STK26: variants seen among roughly 807,000 people sequenced by gnomAD.
STK26 encodes the protein serine/threonine-protein kinase 26.
A neutral mutation model predicts 34.7 loss-of-function variants in STK26; 14 were observed. That is an observed-to-expected ratio of 0.40 (90% CI 0.27 to 0.63). The LOEUF (loss-of-function observed/expected upper bound fraction) is 0.63. Among genes scored for constraint, STK26 ranks in the 30% least tolerant of loss-of-function variants. The pLI is 0.38. For missense variants in STK26, 226 were observed against 309.1 expected (o/e 0.73, Z 2.02); for synonymous variants, 100 against 109.8 (o/e 0.91, Z 0.56).
At chrX:132,043,949 C>T (rs948087574) in intron 2 of STK26, among the ~76,000 whole-genome samples, 2 of 111,844 alleles carry the variant, frequency 1.8e-5, no homozygotes, top group African/African-American at 3.3e-5. Flanking sequence ...GTTGTGACTT[C>T]GCAAAGTTTT....
intron 2 of STK26, among the ~76,000 whole-genome samples, chrX:132,054,271 A>G (rs1926783561): frequency 8.9e-6 from 1 of 112,375 alleles, no homozygotes; most frequent in South Asian, 3.6e-4. Flanking sequence ...ACCTTAGCTT[A>G]GGTTAGATAT....
chrX:132,044,340 A>G (rs5977616), intron 2 of STK26, among the ~76,000 whole-genome samples: 35,810 of 110,057 alleles, frequency 0.33, 4,619 homozygotes, highest in African/African-American at 0.42. Context: ...AAGATGAAGC[A>G]ATGGATTGGT....
At chrX:132,035,784 C>T (rs1302934237) in intron 2 of STK26, among the ~76,000 whole-genome samples, 6 of 101,879 alleles carry the variant, frequency 5.9e-5, no homozygotes, top group South Asian at 4.7e-4. Flanking sequence ...TTATGTCCCC[C>T]CCTCAAAAAA....
chrX:132,067,032 G>C (rs890208628), intron 4 of STK26, among the ~76,000 whole-genome samples: 2 of 111,664 alleles, frequency 1.8e-5, no homozygotes, highest in African/African-American at 6.5e-5. Flanking sequence ...TGTTTGAATA[G>C]AAACTTTGGG....
At chrX:132,066,703 G>A (rs1927237495) in intron 4 of STK26, among the ~76,000 whole-genome samples, 1 of 111,535 alleles carries the variant, frequency 9.0e-6, no homozygotes, top group African/African-American at 3.3e-5. Context: ...CCTTTTTGTT[G>A]TTTTTACTTA....
At position 132,044,811 on chromosome X, in the gene STK26, A is replaced by C. The variant is rs1459312313; in HGVS notation, c.43-9820A>C. ...TTTATATATATAGAGAGAGATCTATATATATATTTATATATATAGAGAGAG... is the reference window on the plus strand; with the variant it reads ...TTTATATATATAGAGAGAGATCTATCTATATATTTATATATATAGAGAGAG... On this transcript the variant is annotated intron_variant, in intron 2 of 11. Coordinates refer to ENST00000394334, the MANE Select transcript of STK26 (RefSeq NM_016542.4). 5.3e-4 allele frequency among the ~76,000 whole-genome samples: 28 copies of C among 52,874 alleles called. 3 individuals are homozygous for C. The highest frequency in any genetic ancestry group is 1.6e-3 in the South Asian group (2 of 1,250). 45.9% of individuals were successfully genotyped at this position (52,874 alleles called of 115,157 possible). A position where few individuals can be genotyped will look rare whatever the true frequency, so the allele number is the denominator to read the frequency against.
Position 132,072,260 on chromosome X carries a change from C to G in STK26, c.933-8C>G, listed in dbSNP as rs1315871800. On this transcript the variant is annotated splice_region_variant and splice_polypyrimidine_tract_variant and intron_variant, in intron 8 of 11. Coordinates refer to ENST00000394334, the MANE Select transcript of STK26 (RefSeq NM_016542.4). ...CACTTATAGAGGTATCTTTGGCAAT[C>G]TCTTTAGGGAATCTACCAGCAGGGA... The G allele has an allele frequency of 3.3e-6, 4 of 1,196,485 alleles. No homozygotes were observed. Among genetic ancestry groups the G allele is most frequent in the Non-Finnish European group, 4.5e-6 (4 of 882,386 alleles).
intron 3 of STK26, among the ~76,000 whole-genome samples, chrX:132,060,062 A>G (rs1414111526): frequency 8.9e-6 from 1 of 112,074 alleles, no homozygotes; most frequent in Non-Finnish European, 1.9e-5. Context: ...AAGAAGCCCC[A>G]TGTTAGATTC....
intron 2 of STK26, among the ~76,000 whole-genome samples, chrX:132,047,417 G>A (rs73568060): frequency 2.7e-5 from 3 of 111,884 alleles, no homozygotes; most frequent in African/African-American, 9.7e-5. Context: ...GCTAAATGTT[G>A]TTTTTTATTC....
chrX:132,069,978 T>C (rs946661481), intron 7 of STK26, among the ~76,000 whole-genome samples: 1 of 112,031 alleles, frequency 8.9e-6, no homozygotes, highest in Admixed American at 9.5e-5. Context: ...AAAGTGTATG[T>C]ATAAATACAA....
intron 2 of STK26, among the ~76,000 whole-genome samples, chrX:132,024,671 T>C (rs913314010): frequency 9.0e-6 from 1 of 111,406 alleles, no homozygotes; most frequent in African/African-American, 3.3e-5. Flanking sequence ...AAATAAAATG[T>C]TTATAGTAAA....
At chrX:132,067,412 C>T (rs1158955203) in intron 4 of STK26, among the ~76,000 whole-genome samples, 2 of 110,929 alleles carry the variant, frequency 1.8e-5, no homozygotes, top group Admixed American at 9.7e-5. Flanking sequence ...TTGTACAGTC[C>T]ACTGTTTGTG....
At position 132,038,408 on chromosome X, in the gene STK26, C is replaced by A. The variant is rs181755059; in HGVS notation, c.42+14749C>A. 2.7e-5 allele frequency among the ~76,000 whole-genome samples: 3 copies of A among 111,219 alleles called. No individual in the cohort carries two copies. The East Asian group carries it at 8.4e-4, about 31-fold the overall frequency. ...TATGGCAAGAAAATGTCTAAAGAGT[C>A]TTTTTCGTTGGTAGAAAGCTTGTGA... On this transcript the variant is annotated intron_variant, in intron 2 of 11. Transcript: ENST00000394334.
chrX:132,044,871 G>A (rs1331631593), intron 2 of STK26, among the ~76,000 whole-genome samples: 1 of 93,294 alleles, frequency 1.1e-5, no homozygotes, highest in Non-Finnish European at 2.1e-5. Context: ...AGAGAGAAAC[G>A]TATATAGATC....
intron 3 of STK26, among the ~76,000 whole-genome samples, chrX:132,057,780 A>G (rs1197109356): frequency 8.9e-6 from 1 of 112,189 alleles, no homozygotes; most frequent in African/African-American, 3.2e-5. Context: ...GCAGCCAAAC[A>G]GCCACTATAT....
At chrX:132,055,322 G>T in intron 3 of STK26, 1 of 593,912 alleles carries the variant, frequency 1.7e-6, no homozygotes, top group South Asian at 3.1e-5. Context: ...AGCTTAACCA[G>T]TCCTGGTACT....
intron 4 of STK26, 74 bp from the exon 5 acceptor site, chrX:132,068,140 AG>A (rs1927280841): frequency 1.3e-6 from 1 of 796,210 alleles, no homozygotes; most frequent in African/African-American, 2.1e-5. Context: ...TTCATTTCAA[AG>A]GTACCAATTT....
intron 9 of STK26, among the ~76,000 whole-genome samples, 176 bp downstream of exon 9, chrX:132,072,537 AGT>A (rs759343372): frequency 9.9e-6 from 1 of 101,326 alleles, no homozygotes; most frequent in African/African-American, 3.8e-5. Context: ...AGTTAATAGA[AGT>A]TATTTAAGTG....
chrX:132,025,897 G>A (rs1339208976), intron 2 of STK26, among the ~76,000 whole-genome samples: 1 of 111,101 alleles, frequency 9.0e-6, no homozygotes, highest in Non-Finnish European at 1.9e-5. Flanking sequence ...TCTATCGTGA[G>A]CTTGTAAAAT....
Sources: allele counts gnomAD v4.1 joint callset (sites outside exome capture counted in the v4.1 genomes callset), GRCh38; gene constraint gnomAD v4.1.1; transcripts MANE v1.5; gene names NCBI Gene and HGNC (gene_info 2026-07-23, HGNC 2026-07-21).